The following ESCO1 variants were observed in gnomAD, a reference collection of about 807,000 sequenced individuals.
ESCO1 encodes the protein establishment of sister chromatid cohesion N-acetyltransferase 1.
A neutral mutation model predicts 83.5 loss-of-function variants in ESCO1; 33 were observed. The ratio of observed to expected loss-of-function variants is 0.40; its 90% CI spans 0.30 to 0.53. The LOEUF (loss-of-function observed/expected upper bound fraction) is 0.53. Among genes scored for constraint, ESCO1 ranks in the 20% least tolerant of loss-of-function variants. The probability of loss-of-function intolerance (pLI) is 0.63; values close to 1 mark genes in which losing one functional copy is unlikely to be tolerated. For missense variants in ESCO1, 855 were observed against 968.0 expected (o/e 0.88, Z 1.55); for synonymous variants, 332 against 324.3 (o/e 1.02, Z -0.25).
intron 5 of ESCO1, among the ~76,000 whole-genome samples, chr18:21,567,461 G>A (rs149791657): frequency 4.6e-5 from 7 of 151,774 alleles, no homozygotes; most frequent in Non-Finnish European, 8.8e-5. Flanking sequence ...CACCACGACC[G>A]GCCCAAATAA....
intron 7 of ESCO1, among the ~76,000 whole-genome samples, chr18:21,562,375 C>T (rs769835169): frequency 1.3e-5 from 2 of 151,720 alleles, no homozygotes; most frequent in Non-Finnish European, 2.9e-5. Flanking sequence ...ACTAGGGAGG[C>T]TGAGGCAGGA....
chr18:21,562,942 G>T (rs1378783111), intron 7 of ESCO1, among the ~76,000 whole-genome samples: 2 of 150,792 alleles, frequency 1.3e-5, no homozygotes, highest in East Asian at 3.9e-4. Context: ...CATGATCTCA[G>T]CTCACCGAAA....
In ESCO1 at chr18:21,573,571, G is replaced by A. The variant is rs1598470382; in HGVS notation, c.1273C>T (p.Pro425Ser). Residue 425 changes from proline (P) to serine (S), a missense_variant, in exon 4 of 12, where the codon CCA becomes TCA. Around this residue, in one of 2 missense-constraint regions of ESCO1, gnomAD observed 726 missense variants for 699.5 expected, o/e 1.04. Transcript: ENST00000269214. ...LGLLRTSFSP[P>S]ALEMHHPVTQ... ...ACTGGATGATGCATTTCTAAAGCTG[G>A]TGGTGAAAAACTGGTTCGTAATAAG... 2.5e-6 allele frequency: 4 copies of A among 1,614,062 alleles called. No homozygotes were observed. In the East Asian group the frequency reaches 6.7e-5, roughly 27 times the overall value.
chr18:21,541,548 G>A (rs772216133), intron 8 of ESCO1, among the ~76,000 whole-genome samples: 11 of 146,354 alleles, frequency 7.5e-5, no homozygotes, highest in African/African-American at 5.1e-5. Flanking sequence ...AGCTGAGTTC[G>A]CGCCATTGCA....
Position 21,566,198 on chromosome 18 carries a change from G to A in ESCO1, c.1654C>T (p.Pro552Ser), listed in dbSNP as rs1336610585. Residue 552 changes from proline to serine, a missense_variant, in exon 6 of 12, where the codon CCC becomes TCC. Transcript: ENST00000269214. ...TTACTGAGAATACTATGCTGTTGGG[G>A]AGCTGAACCTGTAATTTAATCAAGA... Reference protein sequence around the residue: ...TGENKFPGSAPQQHSILSNQT... With the variant: ...TGENKFPGSASQQHSILSNQT... 3.1e-6 allele frequency: 5 copies of A among 1,612,294 alleles called. No homozygotes were observed. In the African/African-American group the frequency reaches 6.7e-5, roughly 22 times the overall value.
intron 2 of ESCO1, among the ~76,000 whole-genome samples, chr18:21,578,110 T>C (rs1012610792): frequency 6.6e-6 from 1 of 152,028 alleles, no homozygotes; most frequent in African/African-American, 2.4e-5. Context: ...TCCAAATACA[T>C]ACAATTTCCA....
chr18:21,596,465 T>G (rs1428778261), intron 1 of ESCO1, among the ~76,000 whole-genome samples: 1 of 152,174 alleles, frequency 6.6e-6, no homozygotes, highest in Non-Finnish European at 1.5e-5. Context: ...ATATCACCAG[T>G]GCTTAAGTGT....
intron 1 of ESCO1, among the ~76,000 whole-genome samples, chr18:21,585,880 C>A (rs1480981095): frequency 6.6e-6 from 1 of 152,070 alleles, no homozygotes; most frequent in Non-Finnish European, 1.5e-5. Context: ...GGTGTTTGAG[C>A]CACTGAGCCC....
At chr18:21,543,179 A>C (rs779611854) in intron 8 of ESCO1, among the ~76,000 whole-genome samples, 2 of 152,060 alleles carry the variant, frequency 1.3e-5, no homozygotes, top group Non-Finnish European at 2.9e-5. Context: ...TTTTTGAGAC[A>C]GTTTCAATCT....
rs73960443 is a variant in ESCO1 at position 21,547,646 on chromosome 18, A to G, written c.1954-7637T>C. ...ATCCAAAATCAGTCTACCAATATGTATATTTAATATATTTCTTAATTCTCA... is the reference window on the plus strand; with the variant it reads ...ATCCAAAATCAGTCTACCAATATGTGTATTTAATATATTTCTTAATTCTCA... On this transcript the variant is annotated intron_variant, in intron 8 of 11. Transcript: ENST00000269214. 9.2e-3 allele frequency among the ~76,000 whole-genome samples: 1,400 copies of G among 152,252 alleles called. 22 individuals are homozygous for G. Among genetic ancestry groups the G allele is most frequent in the African/African-American group, 0.032 (1,309 of 41,550 alleles).
chr18:21,595,790 C>T (rs1379515988), intron 1 of ESCO1, among the ~76,000 whole-genome samples: 4 of 151,466 alleles, frequency 2.6e-5, no homozygotes, highest in African/African-American at 4.9e-5. Flanking sequence ...AGTGAAACCT[C>T]GTCTCTACTA....
Position 21,573,946 on chromosome 18 carries a change from G to A in ESCO1, c.898C>T (p.Arg300Ter). The A allele has an allele frequency of 1.2e-6, 2 of 1,613,786 alleles. No individual in the cohort carries two copies. The highest frequency in any genetic ancestry group is 1.7e-6 in the Non-Finnish European group (2 of 1,180,012). Residue 300 changes from arginine to a stop codon, truncating the protein, a stop_gained, in exon 4 of 12, where the codon CGA becomes TGA. Transcript: ENST00000269214. LOFTEE classifies it high-confidence loss of function. The part of the protein sequence containing the change: ...NELEQAGKSK[R>*]GSILQLCEEI... ...TCACAGAGCTGGAGAATACTACCTC[G>A]TTTGCTCTTTCCTGCTTGCTCCAGC...
In ESCO1 at chr18:21,568,134, G is replaced by A; in HGVS notation, c.1531-40C>T. On this transcript the variant is annotated intron_variant, in intron 4 of 11. Coordinates refer to ENST00000269214, the MANE Select transcript of ESCO1 (RefSeq NM_052911.3). ...TTCAAAATTTTTACATCAACTTTGG[G>A]TTTTATCTAAATAAACTTTCAGTAA... is the stretch of plus-strand genomic sequence containing the variant. 3 of 1,438,922 alleles carry A rather than the reference G, an allele frequency of 2.1e-6. No individual in the cohort carries two copies. The South Asian group carries it at 3.6e-5, about 17-fold the overall frequency. 89.1% of individuals were successfully genotyped at this position (1,438,922 alleles called of 1,614,324 possible). A position where few individuals can be genotyped will look rare whatever the true frequency, so the allele number is the denominator to read the frequency against.
Position 21,573,595 on chromosome 18 carries a change from A to T in ESCO1, c.1249T>A (p.Leu417Ile). The change falls in exon 4 of 12, where the codon TTA (leucine) becomes ATA (isoleucine). Residue 417 changes from leucine to isoleucine, a missense_variant. Leu to Ile is a conservative substitution (Grantham distance 5). Coordinates refer to ENST00000269214, the MANE Select transcript of ESCO1 (RefSeq NM_052911.3). ...LDSQVSPKLG[L>I]LRTSFSPPAL... ...GGTGGTGAAAAACTGGTTCGTAATA[A>T]GCCTAATTTAGGGGAAACTTGAGAG... 6.2e-7 allele frequency: 1 copy of T among 1,614,152 alleles called. No individual in the cohort carries two copies. Among genetic ancestry groups the T allele is most frequent in the Middle Eastern group, 1.7e-4 (1 of 6,060 alleles).
At chr18:21,534,326 G>A (rs2037804921) in intron 10 of ESCO1, among the ~76,000 whole-genome samples, 1 of 152,028 alleles carries the variant, frequency 6.6e-6, no homozygotes, top group Non-Finnish European at 1.5e-5. Flanking sequence ...TGCAACCTTT[G>A]GCATAAATGA....
chr18:21,562,330 G>C (rs2038198182), intron 7 of ESCO1, among the ~76,000 whole-genome samples: 1 of 152,068 alleles, frequency 6.6e-6, no homozygotes, highest in Admixed American at 6.6e-5. Flanking sequence ...ACAACAAATA[G>C]CCAGGCACGG....
chr18:21,564,396 T>C, intron 6 of ESCO1, 79 bp from the exon 7 acceptor site: 1 of 1,036,990 alleles, frequency 9.6e-7, no homozygotes, highest in Non-Finnish European at 1.4e-6. Flanking sequence ...TAACTTATTT[T>C]CTTTTTTTTT....
intron 2 of ESCO1, among the ~76,000 whole-genome samples, chr18:21,583,266 G>T (rs894735654): frequency 3.3e-5 from 5 of 151,956 alleles, no homozygotes; most frequent in African/African-American, 1.2e-4. Context: ...GAATAAAAAA[G>T]CTAGACACAA....
chr18:21,574,942 G>T lies in ESCO1; in HGVS notation c.-99C>A, dbSNP rs1183913269. The T allele has an allele frequency of 1.3e-5, 12 of 926,098 alleles. No homozygotes were observed. The South Asian group carries it at 1.7e-4, about 13-fold the overall frequency. 57.4% of individuals were successfully genotyped at this position (926,098 alleles called of 1,614,324 possible). On this transcript the variant is annotated 5_prime_UTR_variant, in exon 4 of 12. In the 5' UTR this introduces an upstream ATG that the reference lacks. Coordinates refer to ENST00000269214, the MANE Select transcript of ESCO1 (RefSeq NM_052911.3). Reference sequence around the variant, plus strand: ...TAGCTAGTATTATTACTGAGGAGCAGGTCTGAAAAATCAACTTTAACTGAT... The same window carrying T: ...TAGCTAGTATTATTACTGAGGAGCATGTCTGAAAAATCAACTTTAACTGAT...
Sources: gnomAD v4.1 joint callset for allele counts (sites outside exome capture counted in the v4.1 genomes callset) on GRCh38, gnomAD v4.1.1 for gene constraint, gnomAD v4.1.1 regional missense constraint, MANE v1.5 for transcripts, NCBI Gene and HGNC (gene_info 2026-07-23, HGNC 2026-07-21) for gene names.